Variants in WWOX observed in about 807,000 individuals in gnomAD.
WWOX encodes WW domain-containing oxidoreductase.
A neutral mutation model predicts 46.2 loss-of-function variants in WWOX; 69 were observed. That is an observed-to-expected ratio of 1.49 (90% CI 1.23 to 1.82). The LOEUF is 1.82. Among genes scored for constraint, WWOX ranks in the 40% most tolerant of loss-of-function variants. The pLI, the probability that WWOX is intolerant of heterozygous loss-of-function variation, is 0.00. For missense variants in WWOX, 919 were observed against 542.6 expected (o/e 1.69, Z -6.89); for synonymous variants, 359 against 202.6 (o/e 1.77, Z -6.56).
At chr16:79,089,720 C>A (rs1048656375) in intron 8 of WWOX, among the ~76,000 whole-genome samples, 2 of 152,152 alleles carry the variant, frequency 1.3e-5, no homozygotes, top group Non-Finnish European at 1.5e-5. Flanking sequence ...AGCGTTTAAG[C>A]ATGGTAAACA....
intron 6 of WWOX, among the ~76,000 whole-genome samples, chr16:78,404,118 T>C (rs1380210978): frequency 6.6e-6 from 1 of 152,078 alleles, no homozygotes; most frequent in Non-Finnish European, 1.5e-5. Flanking sequence ...GGTCCTTAAA[T>C]TAAGCAAATG....
intron 5 of WWOX, among the ~76,000 whole-genome samples, chr16:78,225,752 A>C (rs939661310): frequency 3.3e-5 from 5 of 152,198 alleles, no homozygotes; most frequent in African/African-American, 1.2e-4. Context: ...CTGTGCTTCA[A>C]TGTAATTATT....
At chr16:78,879,135 C>G (rs1031742437) in intron 8 of WWOX, among the ~76,000 whole-genome samples, 9 of 151,998 alleles carry the variant, frequency 5.9e-5, no homozygotes, top group Admixed American at 4.6e-4. Flanking sequence ...CTTGTTAAGG[C>G]AGAAAAACGC....
chr16:78,981,226 C>A (rs1310425130), intron 8 of WWOX, among the ~76,000 whole-genome samples: 1 of 152,038 alleles, frequency 6.6e-6, no homozygotes, highest in Admixed American at 6.6e-5. Context: ...ATGGCTTTGC[C>A]CACATCTCCC....
chr16:78,437,219 G>T (rs763373217), intron 8 of WWOX, among the ~76,000 whole-genome samples: 2 of 152,100 alleles, frequency 1.3e-5, no homozygotes, highest in Admixed American at 6.6e-5. Flanking sequence ...TAATATCAAC[G>T]TCCCTTTTTT....
chr16:78,125,502 G>C (rs1007585242), intron 4 of WWOX, among the ~76,000 whole-genome samples: 2 of 152,176 alleles, frequency 1.3e-5, no homozygotes, highest in Non-Finnish European at 2.9e-5. Context: ...AGTGCTGGGA[G>C]TGGCATCTGC....
intron 8 of WWOX, among the ~76,000 whole-genome samples, chr16:78,785,644 A>G (rs775126912): frequency 5.9e-5 from 9 of 152,344 alleles, no homozygotes; most frequent in South Asian, 2.1e-4. Flanking sequence ...TTGCTGCGCT[A>G]TTATATCCAT....
chr16:78,667,450 C>T (rs1413988969), intron 8 of WWOX, among the ~76,000 whole-genome samples: 1 of 152,032 alleles, frequency 6.6e-6, no homozygotes, highest in South Asian at 2.1e-4. Flanking sequence ...GCGGGTGGAT[C>T]ACAAGGTCAG....
At chr16:79,137,293 G>A (rs778084547) in intron 8 of WWOX, among the ~76,000 whole-genome samples, 2 of 152,194 alleles carry the variant, frequency 1.3e-5, no homozygotes, top group Non-Finnish European at 2.9e-5. Flanking sequence ...GTATCACATG[G>A]AGAACGAGCT....
intron 4 of WWOX, among the ~76,000 whole-genome samples, chr16:78,138,734 C>G (rs541105062): frequency 9.2e-5 from 14 of 152,268 alleles, no homozygotes; most frequent in Non-Finnish European, 1.9e-4. Context: ...TGCTGTAGAC[C>G]GTAATCAAGC....
chr16:78,159,670 TG>T (rs1308402375), intron 4 of WWOX, among the ~76,000 whole-genome samples: 50 of 107,182 alleles, frequency 4.7e-4, no homozygotes, highest in Admixed American at 5.5e-4. Flanking sequence ...TTAAAATCTG[TG>T]GTTTTTTTTT....
At chr16:78,676,699 A>T (rs2047608056) in intron 8 of WWOX, among the ~76,000 whole-genome samples, 1 of 152,160 alleles carries the variant, frequency 6.6e-6, no homozygotes, top group African/African-American at 2.4e-5. Flanking sequence ...TGCTGCAGGG[A>T]ATAAATCAGT....
chr16:78,669,036 A>G (rs1051016731), intron 8 of WWOX, among the ~76,000 whole-genome samples: 6 of 152,224 alleles, frequency 3.9e-5, no homozygotes, highest in African/African-American at 1.4e-4. Context: ...CCTGAATAAT[A>G]CAGAAGTGAC....
chr16:79,193,974 T>C (rs530224806), intron 8 of WWOX, among the ~76,000 whole-genome samples: 13 of 152,308 alleles, frequency 8.5e-5, no homozygotes, highest in Non-Finnish European at 1.9e-4. Flanking sequence ...TGTGTAGATT[T>C]GCACATGTTG....
At chr16:78,613,823 A>G (rs1306212555) in intron 8 of WWOX, among the ~76,000 whole-genome samples, 1 of 152,188 alleles carries the variant, frequency 6.6e-6, no homozygotes, top group Non-Finnish European at 1.5e-5. Context: ...AAGTTTTCAA[A>G]TTTTAAGAAG....
At chr16:79,001,677 A>G (rs2047095420) in intron 8 of WWOX, among the ~76,000 whole-genome samples, 2 of 149,738 alleles carry the variant, frequency 1.3e-5, no homozygotes, top group South Asian at 2.1e-4. Flanking sequence ...GCAGGGGGAG[A>G]GATTTCAAAT....
intron 8 of WWOX, among the ~76,000 whole-genome samples, chr16:78,700,905 A>C (rs1322474930): frequency 6.6e-6 from 1 of 152,176 alleles, no homozygotes; most frequent in Non-Finnish European, 1.5e-5. Context: ...TATGGTGAAA[A>C]TCATCTCAAA....
intron 8 of WWOX, among the ~76,000 whole-genome samples, chr16:78,558,098 C>T (rs1294914691): frequency 1.3e-5 from 2 of 152,050 alleles, no homozygotes; most frequent in Non-Finnish European, 2.9e-5. Context: ...TTCTGAAGGC[C>T]CCGGCTCATT....
intron 8 of WWOX, among the ~76,000 whole-genome samples, chr16:78,926,577 C>A (rs949907780): frequency 6.6e-6 from 1 of 152,160 alleles, no homozygotes; most frequent in Admixed American, 6.6e-5. Context: ...ACGTACACTT[C>A]TTTGCTGTTG....
Sources: gnomAD v4.1 joint callset for allele counts (sites outside exome capture counted in the v4.1 genomes callset) on GRCh38, gnomAD v4.1.1 for gene constraint, MANE v1.5 for transcripts, NCBI Gene and HGNC (gene_info 2026-07-23, HGNC 2026-07-21) for gene names.